HECTD4: variants seen among roughly 807,000 people sequenced by gnomAD.
HECTD4 encodes probable E3 ubiquitin-protein ligase HECTD4.
HECTD4 carries 114 observed loss-of-function variants against 471.5 expected under a neutral mutation model. The observed-to-expected ratio is 0.24, with a 90% CI of 0.21 to 0.28. HECTD4 has a LOEUF of 0.28. HECTD4 is among the 10% of genes least tolerant of loss of function. The pLI is 1.00. For missense variants in HECTD4, 3,866 were observed against 5,651.5 expected (o/e 0.68, Z 10.13); for synonymous variants, 2,012 against 2,256.0 (o/e 0.89, Z 3.07).
At chr12:112,186,534 ACCAT>A in intron 60 of HECTD4, among the ~76,000 whole-genome samples, 1 of 148,614 alleles carries the variant, frequency 6.7e-6, no homozygotes, top group East Asian at 2.0e-4. Context: ...ATGGGGTTTC[ACCAT>A]CTTGGCCAGG....
chr12:112,183,122 T>C lies in HECTD4; in HGVS notation c.10924A>G (p.Ser3642Gly), dbSNP rs2031737735. The C allele has an allele frequency of 6.2e-7, 1 of 1,613,744 alleles. No homozygotes were observed. Among genetic ancestry groups the C allele is most frequent in the Non-Finnish European group, 8.5e-7 (1 of 1,179,660 alleles). ...EILTVSVVNQ[S>G]LFDTQGSPGL... ...GGGCTCCCTTGAGTATCAAAGAGAC[T>C]CTGATTTACTACAGACACGGTTAGA... The change falls in exon 62 of 76, where the codon AGT (serine) becomes GGT (glycine). Residue 3642 changes from serine (S) to glycine (G), a missense_variant. Coordinates refer to ENST00000682272, the MANE Select transcript of HECTD4 (RefSeq NM_001388303.1).
In HECTD4 at chr12:112,183,247, A is replaced by G. The variant is rs536116029; in HGVS notation, c.10799T>C (p.Ile3600Thr). 2.9e-5 allele frequency: 46 copies of G among 1,613,782 alleles called. 1 individual carries two copies. In the South Asian group the frequency reaches 4.9e-4, roughly 17 times the overall value. The stretch of plus-strand genomic sequence containing the variant: ...AAATAAACTTGCTCGAATTTTCTCA[A>G]TTTTGGCTCGGGATCTTATCTGTGT... ...AVVEIRSRAK[I>T]EKIRASLFNN... Residue 3600 changes from isoleucine (I) to threonine (T), a missense_variant, in exon 62 of 76, where the codon ATT (isoleucine) becomes ACT (threonine). Physicochemically the swap from Ile to Thr is moderately conservative, Grantham distance 89 (BLOSUM62 -1). Transcript: ENST00000682272.
intron 1 of HECTD4, among the ~76,000 whole-genome samples, chr12:112,330,334 T>C (rs1397795054): frequency 6.6e-6 from 1 of 152,038 alleles, no homozygotes; most frequent in Non-Finnish European, 1.5e-5. Flanking sequence ...TTGAATACTA[T>C]TGTACATTTT....
chr12:112,164,863 C>T (rs993039340), intron 72 of HECTD4, among the ~76,000 whole-genome samples: 4 of 150,590 alleles, frequency 2.7e-5, no homozygotes, highest in South Asian at 2.1e-4. Flanking sequence ...CTCAGGTGAT[C>T]TACCTGCCTC....
chr12:112,172,911 G>C, intron 66 of HECTD4, 50 bp from the exon 67 acceptor site: 1 of 1,483,470 alleles, frequency 6.7e-7, no homozygotes, highest in Non-Finnish European at 9.4e-7. Context: ...GGGCACACCG[G>C]GATGACTGTT....
Position 112,382,329 on chromosome 12 carries a change from C to T in HECTD4, c.-201G>A. On this transcript the variant is annotated 5_prime_UTR_variant, in exon 1 of 76. Coordinates refer to ENST00000682272, the MANE Select transcript of HECTD4 (RefSeq NM_001388303.1). Reference sequence around the variant, plus strand: ...CCCGGCCCGGGAGACCCCGGCCCTGCCGCCGCCGCCGCCGCCGCCGCCGCC... The same window carrying T: ...CCCGGCCCGGGAGACCCCGGCCCTGTCGCCGCCGCCGCCGCCGCCGCCGCC... 2 of 239,166 alleles carry T rather than the reference C, an allele frequency of 8.4e-6. No individual in the cohort carries two copies. Among genetic ancestry groups the T allele is most frequent in the South Asian group, 8.2e-5 (1 of 12,264 alleles). The allele number at this position is 239,166 out of a possible 1,614,324, so 14.8% of individuals were successfully genotyped here.
intron 6 of HECTD4, among the ~76,000 whole-genome samples, chr12:112,307,248 C>G (rs2035286761): frequency 6.6e-6 from 1 of 152,186 alleles, no homozygotes; most frequent in Non-Finnish European, 1.5e-5. Flanking sequence ...TTTTTCCAGA[C>G]CTGTTTTGTC....
chr12:112,170,093 GC>G (rs1433819141), intron 69 of HECTD4: 3 of 587,990 alleles, frequency 5.1e-6, no homozygotes, highest in African/African-American at 3.7e-5. Flanking sequence ...AGCAAAGCCT[GC>G]CCCACCTGAC....
At chr12:112,294,198 C>A (rs1222759583) in intron 7 of HECTD4, among the ~76,000 whole-genome samples, 1 of 152,098 alleles carries the variant, frequency 6.6e-6, no homozygotes, top group Non-Finnish European at 1.5e-5. Flanking sequence ...CTGAAGTGAG[C>A]ACTTATCAAT....
At chr12:112,180,255 C>T (rs910353378) in intron 62 of HECTD4, among the ~76,000 whole-genome samples, 6 of 152,216 alleles carry the variant, frequency 3.9e-5, no homozygotes, top group Non-Finnish European at 8.8e-5. Flanking sequence ...AAGTTAAAAA[C>T]CTTCACATGA....
intron 44 of HECTD4, chr12:112,226,405 C>A: frequency 2.8e-6 from 1 of 361,214 alleles, no homozygotes; most frequent in East Asian, 4.1e-5. Context: ...GAAAAGAAAA[C>A]ACTCTGACAT....
chr12:112,184,307 C>CCCCAGGCTGCCCAGGCTG lies in HECTD4; in HGVS notation c.10641_10658dup (p.Ser3548_Gly3553dup). 1.9e-6 allele frequency: 3 copies of CCCCAGGCTGCCCAGGCTG among 1,613,450 alleles called. No individual in the cohort carries two copies. The highest frequency in any genetic ancestry group is 1.7e-6 in the Non-Finnish European group (2 of 1,179,872). On this transcript the variant is annotated inframe_insertion, in exon 61 of 76. Coordinates refer to ENST00000682272, the MANE Select transcript of HECTD4 (RefSeq NM_001388303.1). This position sits in a 1 kb window ranked among gnomAD's most constrained non-coding sequence, Gnocchi z 9.1. ...CCGTCTCTGCATTGTCCAGGGGCTC[C>CCCCAGGCTGCCCAGGCTG]CCCAGGCTGCCCAGGCTGCCCAGGC...
chr12:112,164,030 AG>A, intron 73 of HECTD4, 78 bp downstream of exon 73: 2 of 1,334,674 alleles, frequency 1.5e-6, no homozygotes, highest in Non-Finnish European at 1.9e-6. Context: ...GTCATTGCCC[AG>A]GAACAGATGC....
intron 25 of HECTD4, chr12:112,249,679 T>G (rs1231871272): frequency 6.2e-6 from 1 of 162,514 alleles, no homozygotes; most frequent in Admixed American, 5.8e-5. Context: ...TGTAACTGTA[T>G]GTACATTCTA....
chr12:112,338,725 C>G (rs1411076146), intron 1 of HECTD4, among the ~76,000 whole-genome samples: 1 of 152,140 alleles, frequency 6.6e-6, no homozygotes, highest in African/African-American at 2.4e-5. Context: ...GTACAGAAAG[C>G]ATGGTGCCAG....
intron 1 of HECTD4, among the ~76,000 whole-genome samples, chr12:112,365,520 C>T (rs952116906): frequency 6.6e-6 from 1 of 152,172 alleles, no homozygotes; most frequent in Non-Finnish European, 1.5e-5. Flanking sequence ...TCTGACCAGC[C>T]ACATTCAACT....
At position 112,163,494 on chromosome 12, in the gene HECTD4, G is replaced by C. The variant is rs929533406; in HGVS notation, c.12897+48C>G. The C allele has an allele frequency of 7.0e-7, 1 of 1,418,824 alleles. No homozygotes were observed. The highest frequency in any genetic ancestry group is 1.5e-5 in the South Asian group (1 of 67,198). 87.9% of individuals were successfully genotyped at this position (1,418,824 alleles called of 1,614,324 possible). A position where few individuals can be genotyped will look rare whatever the true frequency, so the allele number is the denominator to read the frequency against. On this transcript the variant is annotated intron_variant, in intron 74 of 75. Coordinates refer to ENST00000682272, the MANE Select transcript of HECTD4 (RefSeq NM_001388303.1). The surrounding 1 kb of genome is among the most constrained non-coding windows in gnomAD (Gnocchi z 8.2). ...GGAGTTGAGGGTGACAGGGAGGCACGCCTGGGGCTCACCACCTCCCCGCCC... is the reference window on the plus strand; with the variant it reads ...GGAGTTGAGGGTGACAGGGAGGCACCCCTGGGGCTCACCACCTCCCCGCCC...
chr12:112,210,975 C>T (rs962516884), intron 49 of HECTD4, among the ~76,000 whole-genome samples: 1 of 152,194 alleles, frequency 6.6e-6, no homozygotes, highest in South Asian at 2.1e-4. Flanking sequence ...TTAATTCACT[C>T]AACAAATACA....
chr12:112,183,367 A>T lies in HECTD4; in HGVS notation c.10780-101T>A, dbSNP rs1593904890. On this transcript the variant is annotated intron_variant, in intron 61 of 75. Transcript: ENST00000682272. Reference sequence around the variant, plus strand: ...ACCTTTTCCTGGAAACCCTCTATTCATCTGCAGAGATGTGAAAGCTGCCCT... The same window carrying T: ...ACCTTTTCCTGGAAACCCTCTATTCTTCTGCAGAGATGTGAAAGCTGCCCT... 10 of 923,470 alleles carry T rather than the reference A, an allele frequency of 1.1e-5. No homozygotes were observed. In the East Asian group the frequency reaches 2.4e-4, roughly 22 times the overall value. The allele number at this position is 923,470 out of a possible 1,614,324, so 57.2% of individuals were successfully genotyped here.
Sources: allele counts gnomAD v4.1 joint callset (sites outside exome capture counted in the v4.1 genomes callset), GRCh38; gene constraint gnomAD v4.1.1; non-coding constraint Gnocchi (gnomAD v3.1); transcripts MANE v1.5; gene names NCBI Gene and HGNC (gene_info 2026-07-23, HGNC 2026-07-21).